C1orf159: variants seen among roughly 807,000 people sequenced by gnomAD.
C1orf159 encodes uncharacterized protein C1orf159.
A neutral mutation model predicts 25.6 loss-of-function variants in C1orf159; 19 were observed. The ratio of observed to expected loss-of-function variants is 0.74; its 90% CI spans 0.52 to 1.09. The LOEUF is 1.09. Among genes scored for constraint, C1orf159 ranks in the 50% least tolerant of loss-of-function variants. The pLI, the probability that C1orf159 is intolerant of heterozygous loss-of-function variation, is 0.00. For synonymous variants in C1orf159, 139 were observed against 124.7 expected, an observed-to-expected ratio of 1.12 and a Z score of -0.77; for missense variants, 274 against 290.6, an observed-to-expected ratio of 0.94 and a Z score of 0.42.
chr1:1,098,341 T>C (rs1285270868), intron 1 of C1orf159, among the ~76,000 whole-genome samples: 1 of 152,196 alleles, frequency 6.6e-6, no homozygotes, highest in East Asian at 1.9e-4. Context: ...AGTGCAGGGA[T>C]TACATGTGTG....
intron 1 of C1orf159, among the ~76,000 whole-genome samples, chr1:1,097,079 CCT>C (rs1306344918): frequency 6.6e-6 from 1 of 151,672 alleles, no homozygotes; most frequent in Non-Finnish European, 1.5e-5. Flanking sequence ...AGAAATAATG[CCT>C]CTTTTGTTCT....
chr1:1,109,320 G>A lies in C1orf159; in HGVS notation c.-136+6740C>T, dbSNP rs143658983. Among the ~76,000 whole-genome samples, 203 of 152,352 alleles carry A rather than the reference G, an allele frequency of 1.3e-3. 1 individual carries two copies. Among genetic ancestry groups the A allele is most frequent in the African/African-American group, 4.7e-3 (196 of 41,584 alleles). The stretch of plus-strand genomic sequence containing the variant: ...TGATTCTACTCATGAGGTTCCCAGG[G>A]TTGTCGAATTCATAGAGACAGAAAA... On this transcript the variant is annotated intron_variant, in intron 1 of 9. Transcript: ENST00000421241.
chr1:1,100,517 T>C (rs940380492), intron 1 of C1orf159, among the ~76,000 whole-genome samples: 30 of 152,212 alleles, frequency 2.0e-4, no homozygotes, highest in South Asian at 1.0e-3. Context: ...TCAAAGTCCA[T>C]GGTTGACACG....
chr1:1,084,891 C>T (rs539853372), intron 7 of C1orf159, among the ~76,000 whole-genome samples: 237 of 152,224 alleles, frequency 1.6e-3, no homozygotes, highest in Non-Finnish European at 2.2e-3. Context: ...GAGCCTCAGG[C>T]ACGAGGTGGC....
chr1:1,098,737 G>C (rs1382137505), intron 1 of C1orf159, among the ~76,000 whole-genome samples: 1 of 152,082 alleles, frequency 6.6e-6, no homozygotes, highest in African/African-American at 2.4e-5. Context: ...TCAGCCTCCC[G>C]AGGAGCTGGG....
At chr1:1,083,106 G>T in intron 9 of C1orf159, 119 bp from the exon 10 acceptor site, 1 of 801,204 alleles carries the variant, frequency 1.2e-6, no homozygotes, top group Non-Finnish European at 1.9e-6. Flanking sequence ...GCCCGGGGCT[G>T]TTTACTCTGA....
chr1:1,088,699 C>A (rs1445476214), intron 4 of C1orf159, among the ~76,000 whole-genome samples: 1 of 152,134 alleles, frequency 6.6e-6, no homozygotes, highest in Non-Finnish European at 1.5e-5. Context: ...TTGATGCCGA[C>A]TGCGGTGCGG....
Position 1,086,020 on chromosome 1 carries a change from C to G in C1orf159, c.311-8G>C, listed in dbSNP as rs747614285. The G allele has an allele frequency of 6.2e-7, 1 of 1,612,602 alleles. No homozygotes were observed. Among genetic ancestry groups the G allele is most frequent in the South Asian group, 1.1e-5 (1 of 91,064 alleles). ...CGGCCACGCGCGGAGCCCCTGCAAA[C>G]AGACACCGCTGAGCAGACGGGCAGG... On this transcript the variant is annotated splice_polypyrimidine_tract_variant and splice_region_variant and intron_variant, in intron 6 of 9. Transcript: ENST00000421241.
chr1:1,099,636 G>A (rs1238179604), intron 1 of C1orf159, among the ~76,000 whole-genome samples: 1 of 151,982 alleles, frequency 6.6e-6, no homozygotes, highest in African/African-American at 2.4e-5. Context: ...TGGAGAGAGA[G>A]AGGTTAAAAT....
chr1:1,097,527 C>T (rs1205162892), intron 1 of C1orf159, among the ~76,000 whole-genome samples: 1 of 152,090 alleles, frequency 6.6e-6, no homozygotes, highest in Admixed American at 6.6e-5. Context: ...ATCCTCCCAC[C>T]TCAGCCTTCT....
chr1:1,096,337 G>A (rs904732677), intron 1 of C1orf159, among the ~76,000 whole-genome samples: 1 of 151,412 alleles, frequency 6.6e-6, no homozygotes, highest in South Asian at 2.1e-4. Flanking sequence ...GGGGCTACAG[G>A]TATAATTTTT....
rs1645762042 is a variant in C1orf159, at chr1:1,082,669, C to T, written c.*224G>A. On this transcript the variant is annotated 3_prime_UTR_variant, in exon 10 of 10. Transcript: ENST00000421241. ...CTGAAGCTCTGAGGTCTCATGGATG[C>T]CTGCTCCTGGTCCGATAAACGAGAT... 1 of 571,018 alleles carries T rather than the reference C, an allele frequency of 1.8e-6. No individual in the cohort carries two copies. The highest frequency in any genetic ancestry group is 3.1e-6 in the Non-Finnish European group (1 of 318,050). 35.4% of individuals were successfully genotyped at this position (571,018 alleles called of 1,614,324 possible). A position where few individuals can be genotyped will look rare whatever the true frequency, so the allele number is the denominator to read the frequency against.
intron 4 of C1orf159, among the ~76,000 whole-genome samples, chr1:1,088,204 C>A (rs1263846961): frequency 1.1e-5 from 1 of 95,224 alleles, no homozygotes; most frequent in Admixed American, 9.9e-5. Context: ...CCCAGGACCC[C>A]CCCCCCATGG....
chr1:1,105,094 G>A (rs905499089), intron 1 of C1orf159, among the ~76,000 whole-genome samples: 1 of 152,250 alleles, frequency 6.6e-6, no homozygotes, highest in African/African-American at 2.4e-5. Context: ...TGAGTAGGCG[G>A]CAGGGTTAGG....
chr1:1,094,311 T>A (rs2100754945), intron 1 of C1orf159, among the ~76,000 whole-genome samples: 1 of 152,282 alleles, frequency 6.6e-6, no homozygotes, highest in South Asian at 2.1e-4. Flanking sequence ...TAGCTGAGAC[T>A]AGAGGTGTGC....
At chr1:1,099,202 G>A (rs111511613) in intron 1 of C1orf159, among the ~76,000 whole-genome samples, 17,257 of 113,062 alleles carry the variant, frequency 0.15, 2,094 homozygotes, top group African/African-American at 0.38. Flanking sequence ...TATGATTGTG[G>A]GTTGTCTATT....
chr1:1,086,100 C>T (rs1334703636), intron 6 of C1orf159, 88 bp from the exon 7 acceptor site: 16 of 1,487,612 alleles, frequency 1.1e-5, no homozygotes, highest in East Asian at 7.1e-5. Context: ...ATGGCAGATG[C>T]GCTGCTCTCT....
At chr1:1,084,855 G>A (rs1301059381) in intron 7 of C1orf159, among the ~76,000 whole-genome samples, 1 of 152,156 alleles carries the variant, frequency 6.6e-6, no homozygotes, top group Non-Finnish European at 1.5e-5. Context: ...CCCAGGGGAA[G>A]GGCTGCCCTC....
rs899694500 is a variant in C1orf159 at position 1,089,260 on chromosome 1, G to A, written c.148+1093C>T. Reference sequence around the variant, plus strand: ...CTGGCCTGGCCCCTCCATGGGCACCGTGACTGCTGCACAGCTGCCTGCACC... The same window carrying A: ...CTGGCCTGGCCCCTCCATGGGCACCATGACTGCTGCACAGCTGCCTGCACC... On this transcript the variant is annotated intron_variant, in intron 4 of 9. Transcript: ENST00000421241. This position sits in a 1 kb window ranked among gnomAD's most constrained non-coding sequence, Gnocchi z 7.5. 2.0e-5 allele frequency among the ~76,000 whole-genome samples: 3 copies of A among 152,122 alleles called. No individual in the cohort carries two copies. The highest frequency in any genetic ancestry group is 2.9e-5 in the Non-Finnish European group (2 of 67,996).
Sources: allele counts gnomAD v4.1 joint callset (sites outside exome capture counted in the v4.1 genomes callset), GRCh38; gene constraint gnomAD v4.1.1; non-coding constraint Gnocchi (gnomAD v3.1); transcripts MANE v1.5; gene names NCBI Gene and HGNC (gene_info 2026-07-23, HGNC 2026-07-21).